The following GPC3 variants were observed in gnomAD, a reference collection of about 807,000 sequenced individuals.
GPC3 encodes glypican-3.
A neutral mutation model predicts 34.4 loss-of-function variants in GPC3; 3 were observed. That is an observed-to-expected ratio of 0.09 (90% CI 0.04 to 0.23). The LOEUF (loss-of-function observed/expected upper bound fraction) is 0.23. Among genes scored for constraint, GPC3 ranks in the 10% least tolerant of loss-of-function variants. The pLI, the probability that GPC3 is intolerant of heterozygous loss-of-function variation, is 1.00. For missense variants in GPC3, 351 were observed against 445.6 expected, an observed-to-expected ratio of 0.79 and a Z score of 1.91; for synonymous variants, 177 against 174.0, an observed-to-expected ratio of 1.02 and a Z score of -0.13.
chrX:133,762,838 G>T, intron 2 of GPC3: 3 of 528,344 alleles, frequency 5.7e-6, no homozygotes, highest in Non-Finnish European at 6.9e-6. Context: ...ATAGAAGGGT[G>T]TCCTTAAGTT....
chrX:133,676,793 C>T (rs764903406), intron 5 of GPC3, among the ~76,000 whole-genome samples: 1 of 112,077 alleles, frequency 8.9e-6, no homozygotes, highest in South Asian at 3.7e-4. Flanking sequence ...AGCTCACAGC[C>T]ATGCACACAA....
rs1409376410 is a variant in GPC3, at chrX:133,741,435, G to T, written c.1032+12047C>A. Among the ~76,000 whole-genome samples, 3 of 111,601 alleles carry T rather than the reference G, an allele frequency of 2.7e-5. No individual in the cohort carries two copies. The East Asian group carries it at 8.4e-4, about 31-fold the overall frequency. ...GGATGAATAGTAACTGAAAGAGTAG[G>T]CAAGAATGAAAGACCCTTAATAACT... is the stretch of plus-strand genomic sequence containing the variant. On this transcript the variant is annotated intron_variant, in intron 3 of 7. Transcript: ENST00000370818.
At chrX:133,934,289 G>C (rs1275473511) in intron 2 of GPC3, among the ~76,000 whole-genome samples, 1 of 108,948 alleles carries the variant, frequency 9.2e-6, no homozygotes. Flanking sequence ...TCCACCTCCT[G>C]GGTTCAAGCG....
At chrX:133,869,793 A>C (rs1386323956) in intron 2 of GPC3, among the ~76,000 whole-genome samples, 1 of 108,627 alleles carries the variant, frequency 9.2e-6, no homozygotes, top group African/African-American at 3.6e-5. Flanking sequence ...CTCTACTAAA[A>C]ATACAAAAAA....
At chrX:133,653,673 A>C (rs753217096) in intron 6 of GPC3, among the ~76,000 whole-genome samples, 8 of 112,066 alleles carry the variant, frequency 7.1e-5, no homozygotes, top group African/African-American at 1.9e-4. Context: ...GCAGTTGGGC[A>C]CTAAGGTATA....
At chrX:133,754,707 T>G (rs752675195) in intron 2 of GPC3, among the ~76,000 whole-genome samples, 1 of 112,399 alleles carries the variant, frequency 8.9e-6, no homozygotes, top group South Asian at 3.8e-4. Context: ...TTAATCATTT[T>G]GGTAGATTTT....
At chrX:133,712,834 G>A (rs1047516243) in intron 3 of GPC3, among the ~76,000 whole-genome samples, 2 of 109,556 alleles carry the variant, frequency 1.8e-5, no homozygotes, top group African/African-American at 6.7e-5. Context: ...GCGGTGAGCC[G>A]AGATCACACC....
chrX:133,616,987 C>T (rs1017365442), intron 6 of GPC3, among the ~76,000 whole-genome samples: 10 of 111,245 alleles, frequency 9.0e-5, no homozygotes, highest in Admixed American at 4.8e-4. Flanking sequence ...CGTGAGCCAC[C>T]GCGCCTAGCC....
chrX:133,895,737 GCA>G (rs1030070704), intron 2 of GPC3, among the ~76,000 whole-genome samples: 1 of 110,441 alleles, frequency 9.1e-6, no homozygotes, highest in African/African-American at 3.3e-5. Flanking sequence ...TTTAAACAGC[GCA>G]CACACACACA....
rs186044647 is a variant in GPC3 at position 133,539,404 on chromosome X, T to G, written c.1574-3111A>C. 2.7e-5 allele frequency among the ~76,000 whole-genome samples: 3 copies of G among 112,346 alleles called. No individual in the cohort carries two copies. In the East Asian group the frequency reaches 8.4e-4, roughly 32 times the overall value. ...CAAACTCCATTAGTGAAATACACAG[T>G]GCCAAAGAGAACTTCCAAACAGCAT... is the stretch of plus-strand genomic sequence containing the variant. On this transcript the variant is annotated intron_variant, in intron 7 of 7. Transcript: ENST00000370818.
At chrX:133,717,419 T>C (rs766635929) in intron 3 of GPC3, among the ~76,000 whole-genome samples, 1 of 111,390 alleles carries the variant, frequency 9.0e-6, no homozygotes, top group Non-Finnish European at 1.9e-5. Flanking sequence ...GACAGCCCGG[T>C]ACCACACCCT....
rs750762814 is a variant in GPC3 at position 133,921,650 on chromosome X, G to A, written c.337+31400C>T. Among the ~76,000 whole-genome samples the A allele has an allele frequency of 3.2e-4, 36 of 112,068 alleles. 1 individual carries two copies. Among genetic ancestry groups the A allele is most frequent in the African/African-American group, 6.5e-5 (2 of 30,802 alleles). On this transcript the variant is annotated intron_variant, in intron 2 of 7. Transcript: ENST00000370818. ...CTTGAAAGATACTCAATAAATAACTGAGCTGAATCAGTCCAATTCTAGCTT... is the reference window on the plus strand; with the variant it reads ...CTTGAAAGATACTCAATAAATAACTAAGCTGAATCAGTCCAATTCTAGCTT...
intron 7 of GPC3, among the ~76,000 whole-genome samples, chrX:133,585,204 G>A (rs184528898): frequency 8.9e-6 from 1 of 111,761 alleles, no homozygotes; most frequent in East Asian, 2.8e-4. Context: ...TCTTTTTGCC[G>A]TGCTAGAAAA....
intron 7 of GPC3, among the ~76,000 whole-genome samples, chrX:133,586,933 C>G (rs1219963921): frequency 1.8e-5 from 2 of 111,655 alleles, no homozygotes; most frequent in East Asian, 5.6e-4. Context: ...CATCCATCAT[C>G]TCAAACACTT....
At chrX:133,810,370 T>C (rs147126240) in intron 2 of GPC3, among the ~76,000 whole-genome samples, 1,579 of 112,070 alleles carry the variant, frequency 0.014, 27 homozygotes, top group African/African-American at 0.048. Flanking sequence ...CTTCCTAAAT[T>C]ACAGAAAAGT....
At chrX:133,891,697 G>T (rs1302040438) in intron 2 of GPC3, among the ~76,000 whole-genome samples, 1 of 106,754 alleles carries the variant, frequency 9.4e-6, no homozygotes, top group African/African-American at 3.4e-5. Flanking sequence ...TGCTTGGGAG[G>T]CTAAGGGGGA....
intron 4 of GPC3, among the ~76,000 whole-genome samples, chrX:133,696,204 T>C (rs1251499140): frequency 8.9e-6 from 1 of 112,473 alleles, no homozygotes; most frequent in Non-Finnish European, 1.9e-5. Flanking sequence ...TAAAAGAAAC[T>C]GATTATTGAA....
At chrX:133,971,018 G>C (rs1225732407) in intron 1 of GPC3, among the ~76,000 whole-genome samples, 1 of 112,231 alleles carries the variant, frequency 8.9e-6, no homozygotes, top group South Asian at 3.7e-4. Flanking sequence ...AACTTCATCA[G>C]GGAAAAGCAG....
chrX:133,710,757 T>A (rs1030542694), intron 3 of GPC3, among the ~76,000 whole-genome samples: 12 of 112,237 alleles, frequency 1.1e-4, no homozygotes, highest in African/African-American at 3.9e-4. Context: ...GCTGTAGGGA[T>A]GGGAGACAGG....
Sources: allele counts gnomAD v4.1 joint callset (sites outside exome capture counted in the v4.1 genomes callset), GRCh38; gene constraint gnomAD v4.1.1; transcripts MANE v1.5; gene names NCBI Gene and HGNC (gene_info 2026-07-23, HGNC 2026-07-21).